Variants in MAGED2 observed in about 807,000 individuals in gnomAD.
The protein encoded by MAGED2 is MAGE family member D2.
Under a neutral mutation model 41.7 loss-of-function variants are expected in MAGED2, and 6 were observed. That is an observed-to-expected ratio of 0.14 (90% CI 0.08 to 0.28). MAGED2 has a LOEUF of 0.28. Ranked by LOEUF, MAGED2 falls within the 10% of genes least tolerant of loss-of-function variation. MAGED2 has a pLI of 1.00. For missense variants in MAGED2, 343 were observed against 486.4 expected, an observed-to-expected ratio of 0.71 and a Z score of 2.77; for synonymous variants, 146 against 178.2, an observed-to-expected ratio of 0.82 and a Z score of 1.44.
intron 10 of MAGED2, chrX:54,814,263 G>GCTGAAGCATGTGAAGCA (rs1175020759): frequency 6.1e-6 from 2 of 328,925 alleles, no homozygotes; most frequent in Non-Finnish European, 1.2e-5. Flanking sequence ...AATTCAGCAT[G>GCTGAAGCATGTGAAGCA]TGTGAAGCAT....
At chrX:54,812,278 G>A (rs1467870628) in intron 7 of MAGED2, 27 bp downstream of exon 7, 1 of 991,853 alleles carries the variant, frequency 1.0e-6, no homozygotes, top group South Asian at 2.2e-5. Flanking sequence ...CTGAGGTGTG[G>A]GGGGCTTCTG....
chrX:54,808,806 C>G (rs1386198345), intron 1 of MAGED2, among the ~76,000 whole-genome samples: 3 of 111,888 alleles, frequency 2.7e-5, no homozygotes, highest in Non-Finnish European at 5.7e-5. Flanking sequence ...AATGGTACTG[C>G]GGACCTGGAG....
intron 6 of MAGED2, among the ~76,000 whole-genome samples, chrX:54,811,885 G>A (rs950490456): frequency 1.8e-5 from 2 of 111,756 alleles, no homozygotes; most frequent in Non-Finnish European, 1.9e-5. Context: ...GCTTCTGTCC[G>A]TCCATGGCAG....
chrX:54,809,682 T>C, intron 2 of MAGED2, 40 bp from the exon 3 acceptor site: 1 of 1,174,162 alleles, frequency 8.5e-7, no homozygotes, highest in South Asian at 2.0e-5. Flanking sequence ...TAGTTGGGGG[T>C]GAGGAGAAGG....
chrX:54,811,996 T>C (rs1929821660), intron 6 of MAGED2, among the ~76,000 whole-genome samples, 161 bp from the exon 7 acceptor site: 1 of 111,986 alleles, frequency 8.9e-6, no homozygotes, highest in African/African-American at 3.3e-5. Context: ...CAATAGTACA[T>C]TTGCAGCGTG....
intron 1 of MAGED2, chrX:54,809,054 T>A (rs759697036): frequency 2.7e-5 from 10 of 370,527 alleles, no homozygotes; most frequent in Middle Eastern, 7.5e-4. Context: ...GGGTGGGGGG[T>A]GCACTGGGAA....
chrX:54,808,952 T>C, intron 1 of MAGED2: 1 of 269,744 alleles, frequency 3.7e-6, no homozygotes, highest in Non-Finnish European at 6.8e-6. Context: ...ATGTGCACGG[T>C]GGACATCAAA....
In MAGED2 at chrX:54,813,282, G is replaced by C. The variant is rs112709539; in HGVS notation, c.1208+122G>C. ...GGTGGGGTGCTGGACTGGGTAGAGG[G>C]CCCAGGGTTCTGACCTGGGTGGATG... On this transcript the variant is annotated intron_variant, in intron 9 of 12. Coordinates refer to ENST00000375068, the MANE Select transcript of MAGED2 (RefSeq NM_177433.3). The C allele has an allele frequency of 4.1e-3, 4,498 of 1,087,666 alleles. 113 individuals carry two copies. In the African/African-American group the frequency reaches 0.074, roughly 18 times the overall value. The allele number at this position is 1,087,666 out of a possible 1,213,427, so 89.6% of individuals were successfully genotyped here. A position where few individuals can be genotyped will look rare whatever the true frequency, so the allele number is the denominator to read the frequency against.
At position 54,810,054 on chromosome X, in the gene MAGED2, C is replaced by T; in HGVS notation, c.378C>T (p.Val126=). Residue 126 remains valine (V), a synonymous_variant, in exon 3 of 13, where the codon GTC becomes GTT. Coordinates refer to ENST00000375068, the MANE Select transcript of MAGED2 (RefSeq NM_177433.3). ...TGCCTGCCACTGAGACCAAAAAGGT[C>T]AGCCATGTGGCTGATACAAAGGTCA... ...VTMPATETKK[V]SHVADTKVNT... 1 of 1,208,690 alleles carries T rather than the reference C, an allele frequency of 8.3e-7. No individual in the cohort carries two copies. Among genetic ancestry groups the T allele is most frequent in the Non-Finnish European group, 1.1e-6 (1 of 893,963 alleles).
Position 54,809,891 on chromosome X carries a change from C to A in MAGED2, c.215C>A (p.Thr72Asn). 8.4e-7 allele frequency: 1 copy of A among 1,193,902 alleles called. No homozygotes were observed. Among genetic ancestry groups the A allele is most frequent in the Non-Finnish European group, 1.1e-6 (1 of 886,162 alleles). ...TCAAAGGCCACAGAGGTCTCAAAGA[C>A]CCCAGAGGCTCGGGAGGCACCTGCC... ...GVSKATEVSK[T>N]PEAREAPATQ... The change falls in exon 3 of 13, where the codon ACC becomes AAC. Residue 72 changes from threonine (T) to asparagine (N), a missense_variant. Thr to Asn is a moderately conservative substitution (Grantham distance 65). Coordinates refer to ENST00000375068, the MANE Select transcript of MAGED2 (RefSeq NM_177433.3).
rs1280433076 is a variant in MAGED2 at position 54,809,226 on chromosome X, G to A, written c.-29-77G>A. ...TTGGAATTGGGGACCTACGGAAGGT[G>A]AGGATCAGCCTCCAGGCACAACAGG... is the stretch of plus-strand genomic sequence containing the variant. On this transcript the variant is annotated intron_variant, in intron 1 of 12. Coordinates refer to ENST00000375068, the MANE Select transcript of MAGED2 (RefSeq NM_177433.3). 6 of 769,832 alleles carry A rather than the reference G, an allele frequency of 7.8e-6. No individual in the cohort carries two copies. In the South Asian group the frequency reaches 1.1e-4, roughly 14 times the overall value. 63.4% of individuals were successfully genotyped at this position (769,832 alleles called of 1,213,427 possible).
chrX:54,810,184 C>T lies in MAGED2; in HGVS notation c.508C>T (p.Pro170Ser). ...GTCTCAGGAGAATCAGGATACTCGG[C>T]CCAAGGTCAAAGCCAAGAAAGCCCG... is the stretch of plus-strand genomic sequence containing the variant. The part of the protein sequence containing the change: ...AQSQENQDTR[P>S]KVKAKKARKV... Residue 170 changes from proline to serine, a missense_variant, in exon 3 of 13, where the codon CCC (proline) becomes TCC (serine). By Grantham distance (74) the Pro-to-Ser change is moderately conservative. Coordinates refer to ENST00000375068, the MANE Select transcript of MAGED2 (RefSeq NM_177433.3). 1 of 1,159,814 alleles carries T rather than the reference C, an allele frequency of 8.6e-7. No homozygotes were observed. The highest frequency in any genetic ancestry group is 2.0e-5 in the South Asian group (1 of 49,980).
intron 5 of MAGED2, 75 bp downstream of exon 5, chrX:54,811,388 C>A (rs1929799580): frequency 2.0e-6 from 2 of 1,018,447 alleles, no homozygotes; most frequent in Admixed American, 4.4e-5. Context: ...CTGGGGATAT[C>A]CCCTGCTCTT....
intron 7 of MAGED2, among the ~76,000 whole-genome samples, chrX:54,812,703 C>G (rs768800692): frequency 3.3e-4 from 37 of 112,241 alleles, no homozygotes; most frequent in Non-Finnish European, 5.6e-4. Context: ...AGGTTGGCAG[C>G]CATTCTTCCA....
At position 54,811,660 on chromosome X, in the gene MAGED2, G is replaced by A. The variant is rs1417233426; in HGVS notation, c.990+7G>A. 19 of 1,174,639 alleles carry A rather than the reference G, an allele frequency of 1.6e-5. No homozygotes were observed. Among genetic ancestry groups the A allele is most frequent in the Admixed American group, 2.2e-5 (1 of 45,721 alleles). On this transcript the variant is annotated splice_region_variant and intron_variant, in intron 6 of 12. Coordinates refer to ENST00000375068, the MANE Select transcript of MAGED2 (RefSeq NM_177433.3). ...AGGCTATTCCTTGGAGAAGGTGAAGGGGCAGCCCTGGGGGATGGGCACAGT... is the reference window on the plus strand; with the variant it reads ...AGGCTATTCCTTGGAGAAGGTGAAGAGGCAGCCCTGGGGGATGGGCACAGT...
chrX:54,812,134 C>T, intron 6 of MAGED2, 23 bp from the exon 7 acceptor site: 2 of 998,663 alleles, frequency 2.0e-6, no homozygotes, highest in Non-Finnish European at 2.8e-6. Flanking sequence ...TGTCATCTCA[C>T]AAGCTGTTCT....
Position 54,811,114 on chromosome X carries a change from C to T in MAGED2, c.831C>T (p.Ala277=), listed in dbSNP as rs1280360722. ...EPEAPPPRDV[A]LLQGRANDLV... is the part of the protein sequence containing the mutation. ...AAGCACCACCACCTCGGGATGTGGC[C>T]CTTTTGCAAGGGAGGGTAAGAACTC... The change falls in exon 4 of 13, where the codon GCC becomes GCT. Residue 277 remains alanine, a synonymous_variant. Transcript: ENST00000375068. The T allele has an allele frequency of 8.4e-7, 1 of 1,193,771 alleles. No homozygotes were observed. The highest frequency in any genetic ancestry group is 3.0e-5 in the East Asian group (1 of 33,476).
At position 54,813,486 on chromosome X, in the gene MAGED2, A is replaced by C; in HGVS notation, c.1209-2A>C. 1 of 1,200,281 alleles carries C rather than the reference A, an allele frequency of 8.3e-7. No homozygotes were observed. ...TATTTATTTTTCTTTTTCTTCTCTC[A>C]GGATACATCATTCACTCTTTGGGGA... On this transcript the variant is annotated splice_acceptor_variant, in intron 9 of 12. Coordinates refer to ENST00000375068, the MANE Select transcript of MAGED2 (RefSeq NM_177433.3). LOFTEE classifies it high-confidence loss of function.
intron 1 of MAGED2, chrX:54,809,013 C>A: frequency 5.8e-6 from 2 of 346,111 alleles, no homozygotes; most frequent in Non-Finnish European, 1.0e-5. Flanking sequence ...GCCCTGCAGC[C>A]GACGCGCATG....
Sources: allele counts gnomAD v4.1 joint callset (sites outside exome capture counted in the v4.1 genomes callset), GRCh38; gene constraint gnomAD v4.1.1; transcripts MANE v1.5; gene names NCBI Gene and HGNC (gene_info 2026-07-23, HGNC 2026-07-21).